The following MEIKIN variants were observed in gnomAD, a reference collection of about 807,000 sequenced individuals.
MEIKIN encodes the protein meiotic kinetochore factor, also known as meiosis-specific kinetochore protein.
intron 4 of MEIKIN, among the ~76,000 whole-genome samples, chr5:131,937,789 T>C (rs1353033411): frequency 6.6e-6 from 1 of 152,200 alleles, no homozygotes; most frequent in East Asian, 1.9e-4. Flanking sequence ...CTGATTATTT[T>C]TTCTCTGGAA....
chr5:131,915,922 T>A (rs148464759), intron 7 of MEIKIN, among the ~76,000 whole-genome samples: 132 of 152,274 alleles, frequency 8.7e-4, no homozygotes, highest in African/African-American at 3.1e-3. Flanking sequence ...CATAATCAAG[T>A]GTTTTATTAC....
chr5:131,896,592 T>A (rs1483677436), intron 8 of MEIKIN, among the ~76,000 whole-genome samples: 1 of 152,218 alleles, frequency 6.6e-6, no homozygotes, highest in East Asian at 1.9e-4. Context: ...ATATTTAGGA[T>A]AGTTAGCTTT....
At chr5:131,851,851 AACACT>A (rs1750120537) in intron 10 of MEIKIN, among the ~76,000 whole-genome samples, 1 of 152,240 alleles carries the variant, frequency 6.6e-6, no homozygotes, top group Non-Finnish European at 1.5e-5. Context: ...GCAAAAAACC[AACACT>A]ATGCCATTTT....
chr5:131,942,255 C>T (rs1008707656), intron 4 of MEIKIN, among the ~76,000 whole-genome samples: 2 of 152,208 alleles, frequency 1.3e-5, no homozygotes, highest in Non-Finnish European at 2.9e-5. Context: ...TTACTCAATA[C>T]ATAATGCTCA....
intron 4 of MEIKIN, 127 bp downstream of exon 4, chr5:131,942,508 G>C (rs928207563): frequency 5.2e-6 from 2 of 387,672 alleles, no homozygotes; most frequent in African/African-American, 2.1e-5. Flanking sequence ...CAGTCAGAAG[G>C]ATTCACTTTG....
rs139773297 is a variant in MEIKIN, at chr5:131,889,340, C to G, written c.704-10292G>C. Among the ~76,000 whole-genome samples, 691 of 152,162 alleles carry G rather than the reference C, an allele frequency of 4.5e-3. 5 individuals are homozygous for G. Among genetic ancestry groups the G allele is most frequent in the African/African-American group, 0.016 (652 of 41,498 alleles). On this transcript the variant is annotated intron_variant, in intron 8 of 12. Coordinates refer to ENST00000442687, the MANE Select transcript of MEIKIN (RefSeq NM_001303622.2). The stretch of plus-strand genomic sequence containing the variant: ...TCATGATATTGATTCTTCCTACCCA[C>G]GAGCATGGAATGTTCTTCCATTTGT...
chr5:131,818,424 AT>A (rs944634624), intron 12 of MEIKIN, among the ~76,000 whole-genome samples: 2 of 151,876 alleles, frequency 1.3e-5, no homozygotes, highest in Non-Finnish European at 2.9e-5. Flanking sequence ...ACCAGACTTT[AT>A]TTTTTTTAAT....
chr5:131,882,255 AC>A (rs1392337687), intron 8 of MEIKIN, among the ~76,000 whole-genome samples: 2 of 152,194 alleles, frequency 1.3e-5, no homozygotes, highest in African/African-American at 4.8e-5. Flanking sequence ...TCTCCACATA[AC>A]AGCCAAAATG....
At chr5:131,816,063 G>A (rs1195860386) in intron 12 of MEIKIN, among the ~76,000 whole-genome samples, 1 of 152,232 alleles carries the variant, frequency 6.6e-6, no homozygotes, top group African/African-American at 2.4e-5. Context: ...GAAGAAGGGT[G>A]AACATTGCCC....
chr5:131,944,198 T>G (rs1262076000), intron 3 of MEIKIN, among the ~76,000 whole-genome samples: 1 of 151,982 alleles, frequency 6.6e-6, no homozygotes, highest in African/African-American at 2.4e-5. Context: ...TGAGCTTCCC[T>G]AAATTAGTGC....
At chr5:131,940,111 T>G (rs1751844047) in intron 4 of MEIKIN, among the ~76,000 whole-genome samples, 1 of 152,204 alleles carries the variant, frequency 6.6e-6, no homozygotes, top group Non-Finnish European at 1.5e-5. Flanking sequence ...TTAAGTCTTT[T>G]GACAGAAGTA....
intron 8 of MEIKIN, among the ~76,000 whole-genome samples, chr5:131,880,778 T>C (rs1046045563): frequency 2.0e-5 from 3 of 152,254 alleles, no homozygotes; most frequent in Admixed American, 1.3e-4. Flanking sequence ...GTATTTCTTA[T>C]GTATTCCTCA....
intron 12 of MEIKIN, among the ~76,000 whole-genome samples, chr5:131,809,527 G>A (rs929268505): frequency 6.6e-6 from 1 of 152,198 alleles, no homozygotes; most frequent in Admixed American, 6.5e-5. Context: ...CCAAAGAACA[G>A]GCTGGGTGCG....
intron 8 of MEIKIN, among the ~76,000 whole-genome samples, chr5:131,881,315 C>T (rs1021120526): frequency 1.6e-4 from 25 of 152,116 alleles, no homozygotes; most frequent in Non-Finnish European, 3.2e-4. Flanking sequence ...GGTATCATTC[C>T]TTCCTTAAAA....
chr5:131,834,833 T>C (rs1290674832), intron 11 of MEIKIN, among the ~76,000 whole-genome samples: 1 of 152,182 alleles, frequency 6.6e-6, no homozygotes, highest in Non-Finnish European at 1.5e-5. Context: ...AAAGTTGAAA[T>C]TACTGGAACC....
In MEIKIN at chr5:131,834,118, G is replaced by A. The variant is rs1352892678; in HGVS notation, c.976-15255C>T. On this transcript the variant is annotated intron_variant, in intron 11 of 12. Coordinates refer to ENST00000442687, the MANE Select transcript of MEIKIN (RefSeq NM_001303622.2). ...ATGTTAATAATGGCTGTACAAAACT[G>A]ACTGCAAATATTTTGGTTTGGAAGG... Among the ~76,000 whole-genome samples the A allele has an allele frequency of 7.2e-5, 11 of 152,246 alleles. No homozygotes were observed. The East Asian group carries it at 1.9e-3, about 27-fold the overall frequency.
chr5:131,888,701 G>T lies in MEIKIN; in HGVS notation c.704-9653C>A, dbSNP rs201809322. Among the ~76,000 whole-genome samples, 159 of 152,176 alleles carry T rather than the reference G, an allele frequency of 1.0e-3. 1 individual carries two copies. In the East Asian group the frequency reaches 0.02, roughly 19 times the overall value. Reference sequence around the variant, plus strand: ...TGGTAGTTTCTTTTGCTGTGCAGAAGCTCTTTAGTTTAATTAGATCCCATT... The same window carrying T: ...TGGTAGTTTCTTTTGCTGTGCAGAATCTCTTTAGTTTAATTAGATCCCATT... On this transcript the variant is annotated intron_variant, in intron 8 of 12. Coordinates refer to ENST00000442687, the MANE Select transcript of MEIKIN (RefSeq NM_001303622.2).
At chr5:131,880,264 ATTT>A (rs67579794) in intron 8 of MEIKIN, among the ~76,000 whole-genome samples, 121 of 138,334 alleles carry the variant, frequency 8.7e-4, no homozygotes, top group Middle Eastern at 7.7e-3. Flanking sequence ...TAATTTTTGT[ATTT>A]TTTTTTTTTT....
intron 11 of MEIKIN, among the ~76,000 whole-genome samples, chr5:131,841,667 T>C (rs1749916697): frequency 6.6e-6 from 1 of 152,250 alleles, no homozygotes; most frequent in Admixed American, 6.5e-5. Flanking sequence ...AACGAATCTG[T>C]AGATCACTTT....
Sources: allele counts gnomAD v4.1 joint callset (sites outside exome capture counted in the v4.1 genomes callset), GRCh38; gene constraint gnomAD v4.1.1; transcripts MANE v1.5; gene names NCBI Gene and HGNC (gene_info 2026-07-23, HGNC 2026-07-21).